Variants in SCAPER observed in about 807,000 individuals in gnomAD.
The protein encoded by SCAPER is S phase cyclin A-associated protein in the endoplasmic reticulum.
SCAPER carries 98 observed loss-of-function variants against 182.2 expected under a neutral mutation model. The observed-to-expected ratio is 0.54, with a 90% CI of 0.46 to 0.64. The LOEUF (loss-of-function observed/expected upper bound fraction) is 0.64. SCAPER is among the 30% of genes least tolerant of loss of function. The pLI, the probability that SCAPER is intolerant of heterozygous loss-of-function variation, is 0.00. For missense variants in SCAPER, 1,432 were observed against 1,690.0 expected, an observed-to-expected ratio of 0.85 and a Z score of 2.68; for synonymous variants, 605 against 564.6, an observed-to-expected ratio of 1.07 and a Z score of -1.01.
intron 5 of SCAPER, among the ~76,000 whole-genome samples, chr15:76,810,556 CA>C (rs2066520955): frequency 4.2e-5 from 6 of 142,708 alleles, no homozygotes; most frequent in African/African-American, 1.3e-4. Context: ...AAAAACCACA[CA>C]CACACACACA....
chr15:76,666,202 A>G (rs2056564188), intron 20 of SCAPER, among the ~76,000 whole-genome samples: 1 of 152,218 alleles, frequency 6.6e-6, no homozygotes. Flanking sequence ...TCAGCAAGGA[A>G]GCACCATATC....
At chr15:76,627,287 TA>T (rs2052675195) in intron 21 of SCAPER, among the ~76,000 whole-genome samples, 1 of 152,198 alleles carries the variant, frequency 6.6e-6, no homozygotes, top group Admixed American at 6.5e-5. Context: ...TTTATCTTTA[TA>T]AAAAATAGTA....
intron 5 of SCAPER, among the ~76,000 whole-genome samples, chr15:76,837,813 T>A (rs2069091354): frequency 6.6e-6 from 1 of 152,104 alleles, no homozygotes; most frequent in Admixed American, 6.5e-5. Flanking sequence ...ATGCTCAACA[T>A]CACTAATCAT....
In SCAPER at chr15:76,664,280, T is replaced by A. The variant is rs1401857077; in HGVS notation, c.2645+1373A>T. Among the ~76,000 whole-genome samples the A allele has an allele frequency of 3.9e-5, 6 of 152,116 alleles. No individual in the cohort carries two copies. The South Asian group carries it at 1.2e-3, about 32-fold the overall frequency. ...AATCCAGGTAAGAGCTGACTGAAGCTTTGGATCAGGGGAAAGCAGTGAAGT... is the reference window on the plus strand; with the variant it reads ...AATCCAGGTAAGAGCTGACTGAAGCATTGGATCAGGGGAAAGCAGTGAAGT... On this transcript the variant is annotated intron_variant, in intron 21 of 31. Coordinates refer to ENST00000563290, the MANE Select transcript of SCAPER (RefSeq NM_020843.4).
At chr15:76,843,502 G>C (rs1022804086) in intron 4 of SCAPER, among the ~76,000 whole-genome samples, 2 of 152,112 alleles carry the variant, frequency 1.3e-5, no homozygotes, top group Admixed American at 1.3e-4. Flanking sequence ...TTCACAGAGC[G>C]TTTGACATGC....
At chr15:76,559,617 T>C (rs2046455832) in intron 23 of SCAPER, among the ~76,000 whole-genome samples, 1 of 152,158 alleles carries the variant, frequency 6.6e-6, no homozygotes, top group Admixed American at 6.5e-5. Flanking sequence ...CTGGAGGCCA[T>C]TATCCTAAGT....
chr15:76,825,925 AGTAGAAACGGG>A (rs1158778249), intron 5 of SCAPER, among the ~76,000 whole-genome samples: 1 of 152,100 alleles, frequency 6.6e-6, no homozygotes, highest in African/African-American at 2.4e-5. Flanking sequence ...TTGTATTTTT[AGTAGAAACGGG>A]GTTTCACCAT....
At chr15:76,787,310 C>T (rs906992151) in intron 8 of SCAPER, among the ~76,000 whole-genome samples, 1 of 152,150 alleles carries the variant, frequency 6.6e-6, no homozygotes, top group African/African-American at 2.4e-5. Flanking sequence ...CCCAGAAATA[C>T]ACCCACGCTT....
chr15:76,481,432 T>C (rs964738753), intron 24 of SCAPER, among the ~76,000 whole-genome samples: 2 of 152,232 alleles, frequency 1.3e-5, no homozygotes, highest in Admixed American at 1.3e-4. Flanking sequence ...CTAGGTGCTA[T>C]GCTAAGTGTA....
intron 21 of SCAPER, among the ~76,000 whole-genome samples, chr15:76,652,273 A>AAAAAATAT (rs1207156993): frequency 3.1e-4 from 4 of 12,858 alleles, no homozygotes; most frequent in Admixed American, 1.5e-3. Context: ...AAAAAAAAAA[A>AAAAAATAT]ATATATATAT....
chr15:76,828,514 GCTAT>G (rs1180367756), intron 5 of SCAPER, among the ~76,000 whole-genome samples: 6 of 152,098 alleles, frequency 3.9e-5, no homozygotes, highest in Non-Finnish European at 8.8e-5. Flanking sequence ...AAAAATGACA[GCTAT>G]CTATCTCTAC....
chr15:76,622,268 A>C (rs1446150269), intron 21 of SCAPER, among the ~76,000 whole-genome samples: 2 of 152,170 alleles, frequency 1.3e-5, no homozygotes, highest in African/African-American at 4.8e-5. Context: ...CTTAATTTGT[A>C]CATTTCTCTT....
At chr15:76,550,025 G>A (rs1336067231) in intron 23 of SCAPER, among the ~76,000 whole-genome samples, 1 of 152,040 alleles carries the variant, frequency 6.6e-6, no homozygotes, top group Non-Finnish European at 1.5e-5. Context: ...GCAACCTAGA[G>A]AATGAAAGAA....
At chr15:76,669,723 C>T (rs917709800) in intron 20 of SCAPER, among the ~76,000 whole-genome samples, 5 of 152,172 alleles carry the variant, frequency 3.3e-5, no homozygotes, top group Non-Finnish European at 7.3e-5. Context: ...ATCAAAACCA[C>T]GACTGGCTGA....
At chr15:76,675,390 A>G (rs1387474908) in intron 20 of SCAPER, among the ~76,000 whole-genome samples, 1 of 152,212 alleles carries the variant, frequency 6.6e-6, no homozygotes, top group Non-Finnish European at 1.5e-5. Flanking sequence ...AGGATAGGAG[A>G]AAACAATCTT....
At chr15:76,781,216 C>T (rs747210703) in intron 8 of SCAPER, among the ~76,000 whole-genome samples, 6 of 152,108 alleles carry the variant, frequency 3.9e-5, no homozygotes, top group East Asian at 1.9e-4. Context: ...AACTGAAAAC[C>T]GTGGCAAGAG....
At chr15:76,649,530 GA>G (rs1052861700) in intron 21 of SCAPER, among the ~76,000 whole-genome samples, 5 of 149,460 alleles carry the variant, frequency 3.3e-5, no homozygotes, top group Non-Finnish European at 7.4e-5. Context: ...CCATGATATG[GA>G]AAAAAATATA....
intron 23 of SCAPER, among the ~76,000 whole-genome samples, chr15:76,572,020 A>G (rs542644177): frequency 6.6e-6 from 1 of 152,314 alleles, no homozygotes; most frequent in East Asian, 1.9e-4. Flanking sequence ...TACTCTGAGG[A>G]CAGCTTTACA....
At chr15:76,849,401 C>T (rs2070476476) in intron 4 of SCAPER, among the ~76,000 whole-genome samples, 1 of 152,218 alleles carries the variant, frequency 6.6e-6, no homozygotes, top group South Asian at 2.1e-4. Context: ...GTCTGTCTCC[C>T]ATGGGTCCCG....
Sources: gnomAD v4.1 joint callset for allele counts (sites outside exome capture counted in the v4.1 genomes callset) on GRCh38, gnomAD v4.1.1 for gene constraint, MANE v1.5 for transcripts, NCBI Gene and HGNC (gene_info 2026-07-23, HGNC 2026-07-21) for gene names.